The following PTPRG variants were observed in gnomAD, a reference collection of about 807,000 sequenced individuals.
PTPRG encodes the protein receptor-type tyrosine-protein phosphatase gamma.
PTPRG carries 102 observed loss-of-function variants against 165.3 expected under a neutral mutation model. The ratio of observed to expected loss-of-function variants is 0.62; its 90% CI spans 0.53 to 0.73. PTPRG has a LOEUF of 0.73. PTPRG is among the 30% of genes least tolerant of loss of function. The probability of loss-of-function intolerance (pLI) is 0.00; values close to 1 mark genes in which losing one functional copy is unlikely to be tolerated. For synonymous variants in PTPRG, 675 were observed against 669.5 expected (o/e 1.01, Z -0.13); for missense variants, 1,866 against 1,861.4 (o/e 1.00, Z -0.05).
intron 3 of PTPRG, among the ~76,000 whole-genome samples, chr3:61,992,187 A>G (rs2040911723): frequency 6.6e-6 from 1 of 152,208 alleles, no homozygotes. Context: ...TTCTGTAGGA[A>G]GGGTTTTTAA....
chr3:61,854,709 T>A (rs2037053719), intron 2 of PTPRG, among the ~76,000 whole-genome samples: 1 of 152,122 alleles, frequency 6.6e-6, no homozygotes, highest in Non-Finnish European at 1.5e-5. Flanking sequence ...CAGTCTCATG[T>A]GAGTGGGCAA....
At chr3:61,595,071 A>T (rs1559516695) in intron 1 of PTPRG, among the ~76,000 whole-genome samples, 2 of 152,050 alleles carry the variant, frequency 1.3e-5, no homozygotes, top group Non-Finnish European at 2.9e-5. Flanking sequence ...GTCAAAACAC[A>T]CAGATGACGG....
At chr3:61,753,796 A>T (rs2033540498) in intron 2 of PTPRG, among the ~76,000 whole-genome samples, 1 of 152,004 alleles carries the variant, frequency 6.6e-6, no homozygotes, top group Admixed American at 6.6e-5. Flanking sequence ...GGGTTTCACC[A>T]TGTTGGCCAG....
chr3:61,812,166 A>G (rs1366141773), intron 2 of PTPRG, among the ~76,000 whole-genome samples: 1 of 152,076 alleles, frequency 6.6e-6, no homozygotes, highest in Non-Finnish European at 1.5e-5. Flanking sequence ...GCAAATAACA[A>G]GTTTTCTGGC....
At chr3:62,113,296 T>C (rs1576017581) in intron 5 of PTPRG, among the ~76,000 whole-genome samples, 1 of 152,168 alleles carries the variant, frequency 6.6e-6, no homozygotes, top group Non-Finnish European at 1.5e-5. Flanking sequence ...TGACAGCATC[T>C]GACACTGTGT....
intron 4 of PTPRG, among the ~76,000 whole-genome samples, chr3:62,060,088 C>T (rs984602216): frequency 1.3e-5 from 2 of 151,802 alleles, no homozygotes; most frequent in Non-Finnish European, 2.9e-5. Flanking sequence ...CATGATGGCA[C>T]AAGCCTGTAG....
At chr3:62,058,758 T>C (rs1415006618) in intron 4 of PTPRG, among the ~76,000 whole-genome samples, 1 of 152,150 alleles carries the variant, frequency 6.6e-6, no homozygotes, top group Non-Finnish European at 1.5e-5. Context: ...AGGACTAGGC[T>C]TAAATTCTGA....
At chr3:62,006,509 C>G (rs960191618) in intron 4 of PTPRG, among the ~76,000 whole-genome samples, 1 of 152,046 alleles carries the variant, frequency 6.6e-6, no homozygotes, top group South Asian at 2.1e-4. Flanking sequence ...TGTTTTCATT[C>G]TTAAAAACTA....
chr3:61,583,642 G>A (rs1340844849), intron 1 of PTPRG, among the ~76,000 whole-genome samples: 1 of 152,050 alleles, frequency 6.6e-6, no homozygotes, highest in African/African-American at 2.4e-5. Flanking sequence ...GCTGATTAAG[G>A]AGCTCTGTCC....
At chr3:61,688,335 G>A (rs1056146225) in intron 1 of PTPRG, among the ~76,000 whole-genome samples, 4 of 152,148 alleles carry the variant, frequency 2.6e-5, no homozygotes, top group African/African-American at 9.7e-5. Flanking sequence ...AGCTCCCCAC[G>A]GGCCAGCCTA....
intron 4 of PTPRG, among the ~76,000 whole-genome samples, chr3:62,053,125 C>A (rs912796957): frequency 6.6e-6 from 1 of 151,926 alleles, no homozygotes; most frequent in African/African-American, 2.4e-5. Flanking sequence ...CCTAAGGATA[C>A]ATCAAACTCT....
intron 1 of PTPRG, among the ~76,000 whole-genome samples, chr3:61,715,696 A>G (rs2031773711): frequency 6.6e-6 from 1 of 152,168 alleles, no homozygotes; most frequent in Non-Finnish European, 1.5e-5. Context: ...ATTTCCAAAA[A>G]AGAAATGAAG....
At chr3:61,865,000 G>A (rs1465354166) in intron 2 of PTPRG, among the ~76,000 whole-genome samples, 6 of 152,108 alleles carry the variant, frequency 3.9e-5, no homozygotes, top group South Asian at 2.1e-4. Context: ...CCTTGCTCAC[G>A]TGCTCAGAGA....
At chr3:61,849,642 G>C (rs1331710792) in intron 2 of PTPRG, among the ~76,000 whole-genome samples, 1 of 152,208 alleles carries the variant, frequency 6.6e-6, no homozygotes, top group African/African-American at 2.4e-5. Context: ...GTCATCAAAA[G>C]ATAAATGCAC....
At chr3:61,644,858 A>G (rs1473968445) in intron 1 of PTPRG, among the ~76,000 whole-genome samples, 2 of 152,222 alleles carry the variant, frequency 1.3e-5, no homozygotes, top group African/African-American at 2.4e-5. Context: ...GGAACAGGCA[A>G]TACACTCATT....
At chr3:61,896,818 A>G (rs1559675878) in intron 2 of PTPRG, among the ~76,000 whole-genome samples, 2 of 152,174 alleles carry the variant, frequency 1.3e-5, no homozygotes, top group African/African-American at 4.8e-5. Flanking sequence ...CTAATGGGTA[A>G]TGATGTTGAA....
intron 28 of PTPRG, among the ~76,000 whole-genome samples, chr3:62,285,128 C>A (rs1702591917): frequency 6.6e-6 from 1 of 152,082 alleles, no homozygotes; most frequent in Non-Finnish European, 1.5e-5. Flanking sequence ...CTGAGGCCAG[C>A]AATGGTAATT....
intron 2 of PTPRG, among the ~76,000 whole-genome samples, chr3:61,936,147 C>G (rs1487439143): frequency 2.0e-5 from 3 of 152,228 alleles, no homozygotes; most frequent in Admixed American, 6.5e-5. Context: ...CATCAGACAT[C>G]AGTCCTGTTG....
In PTPRG at chr3:61,934,177, A is replaced by G. The variant is rs754022383; in HGVS notation, c.191-55448A>G. ...CAGTCTTAAGCGTAGCTCTCATCACATTAAGTTTTATATATGCATATATAG... is the reference window on the plus strand; with the variant it reads ...CAGTCTTAAGCGTAGCTCTCATCACGTTAAGTTTTATATATGCATATATAG... On this transcript the variant is annotated intron_variant, in intron 2 of 29. Transcript: ENST00000474889. 2.8e-4 allele frequency among the ~76,000 whole-genome samples: 43 copies of G among 152,212 alleles called. 1 individual carries two copies. The highest frequency in any genetic ancestry group is 4.1e-4 in the Non-Finnish European group (28 of 68,036).
Sources: allele counts gnomAD v4.1 joint callset (sites outside exome capture counted in the v4.1 genomes callset), GRCh38; gene constraint gnomAD v4.1.1; transcripts MANE v1.5; gene names NCBI Gene and HGNC (gene_info 2026-07-23, HGNC 2026-07-21).